The following TBCK variants were observed in gnomAD, a reference collection of about 807,000 sequenced individuals.
TBCK encodes TBC1 domain containing kinase, also known as TBC domain-containing protein kinase-like protein.
In TBCK, 99 loss-of-function variants were observed where a neutral mutation model predicts 113.4. That is an observed-to-expected ratio of 0.87 (90% CI 0.74 to 1.03). TBCK has a LOEUF of 1.03. TBCK is among the 50% of genes least tolerant of loss of function. The pLI, the probability that TBCK is intolerant of heterozygous loss-of-function variation, is 0.00. For synonymous variants in TBCK, 369 were observed against 370.8 expected (o/e 1.00, Z 0.05); for missense variants, 1,045 against 1,061.3 (o/e 0.98, Z 0.21).
At chr4:106,172,361 T>C (rs898587624) in intron 22 of TBCK, among the ~76,000 whole-genome samples, 1 of 152,124 alleles carries the variant, frequency 6.6e-6, no homozygotes, top group African/African-American at 2.4e-5. Flanking sequence ...AGACTGTATC[T>C]CTTTAGGAGG....
At chr4:106,291,474 T>C (rs1413674776) in intron 3 of TBCK, among the ~76,000 whole-genome samples, 2 of 152,346 alleles carry the variant, frequency 1.3e-5, no homozygotes, top group Non-Finnish European at 2.9e-5. Context: ...CCAAGTATGC[T>C]TTGTATGCTA....
At chr4:106,120,692 C>T (rs1021730220) in intron 23 of TBCK, among the ~76,000 whole-genome samples, 6 of 152,184 alleles carry the variant, frequency 3.9e-5, no homozygotes, top group African/African-American at 7.2e-5. Context: ...GGAGGCACCC[C>T]CCAGCAGGGG....
intron 24 of TBCK, among the ~76,000 whole-genome samples, chr4:106,103,179 G>T (rs1741744713): frequency 6.6e-6 from 1 of 152,150 alleles, no homozygotes; most frequent in Admixed American, 6.6e-5. Context: ...CCCTCAAAGT[G>T]TTGCAATACT....
intron 14 of TBCK, among the ~76,000 whole-genome samples, chr4:106,236,150 A>T (rs1239034090): frequency 6.6e-6 from 1 of 152,028 alleles, no homozygotes; most frequent in Non-Finnish European, 1.5e-5. Context: ...TCTTTTAAAA[A>T]ATAAAGACAT....
chr4:106,303,192 T>C (rs929062706), intron 2 of TBCK, among the ~76,000 whole-genome samples: 1 of 152,164 alleles, frequency 6.6e-6, no homozygotes, highest in African/African-American at 2.4e-5. Context: ...GGTAAATATA[T>C]GACATGGTGC....
chr4:106,167,203 T>C (rs906605985), intron 23 of TBCK, among the ~76,000 whole-genome samples: 9 of 147,108 alleles, frequency 6.1e-5, no homozygotes, highest in Non-Finnish European at 1.1e-4. Flanking sequence ...TAGAACTGTA[T>C]ATATATATAT....
rs778242457 is a variant in TBCK at position 106,247,225 on chromosome 4, G to A, written c.845C>T (p.Pro282Leu). Residue 282 changes from proline to leucine, a missense_variant, in exon 10 of 26, where the codon CCC (proline) becomes CTC (leucine). Transcript: ENST00000394708. ...AAACAGACTGGCAGGTTTGGTAAAG[G>A]GGGTATATAAAGGTGATACCTCACT... ...VFSEVSPLYT[P>L]FTKPASLFSS... The A allele has an allele frequency of 2.5e-6, 4 of 1,613,048 alleles. No individual in the cohort carries two copies. The highest frequency in any genetic ancestry group is 1.7e-5 in the Admixed American group (1 of 59,858).
chr4:106,210,685 T>C (rs2149881286), intron 20 of TBCK, among the ~76,000 whole-genome samples: 1 of 152,316 alleles, frequency 6.6e-6, no homozygotes, highest in South Asian at 2.1e-4. Flanking sequence ...TATATTTAAG[T>C]AACTTTTTAC....
rs185953024 is a variant in TBCK, at chr4:106,300,407, T to G, written c.194-5241A>C. On this transcript the variant is annotated intron_variant, in intron 2 of 25. Transcript: ENST00000394708. ...AAGTTTTTTAAAGTAGTGGTTTTTT[T>G]GTTTAAATTTAGAGAAAGAGGTGAA... Among the ~76,000 whole-genome samples the G allele has an allele frequency of 5.8e-4, 89 of 152,306 alleles. 3 individuals are homozygous for G. The highest frequency in any genetic ancestry group is 1.7e-3 in the Admixed American group (26 of 15,294).
At chr4:106,156,157 A>G (rs536518430) in intron 23 of TBCK, among the ~76,000 whole-genome samples, 1 of 152,220 alleles carries the variant, frequency 6.6e-6, no homozygotes, top group East Asian at 1.9e-4. Context: ...TCATGGTCTT[A>G]GATAAGATCC....
At chr4:106,127,107 C>T (rs1406810524) in intron 23 of TBCK, among the ~76,000 whole-genome samples, 1 of 149,718 alleles carries the variant, frequency 6.7e-6, no homozygotes, top group African/African-American at 2.5e-5. Context: ...ACTCGGGAGG[C>T]TGAGGCAGGA....
At chr4:106,314,046 G>C (rs1345382947) in intron 1 of TBCK, among the ~76,000 whole-genome samples, 2 of 152,168 alleles carry the variant, frequency 1.3e-5, no homozygotes, top group African/African-American at 4.8e-5. Context: ...CTTGCTCTAA[G>C]TAACAACTAT....
intron 23 of TBCK, among the ~76,000 whole-genome samples, chr4:106,165,688 A>C (rs1750287818): frequency 6.6e-6 from 1 of 151,896 alleles, no homozygotes; most frequent in Admixed American, 6.6e-5. Flanking sequence ...TGGAGTGCTT[A>C]TTATGTACTA....
At chr4:106,312,912 C>G (rs1419856603) in intron 1 of TBCK, among the ~76,000 whole-genome samples, 2 of 152,126 alleles carry the variant, frequency 1.3e-5, no homozygotes, top group African/African-American at 4.8e-5. Context: ...GAAGATAGTA[C>G]TGTAGATGGG....
At chr4:106,252,601 GT>G (rs1339444032) in intron 5 of TBCK, among the ~76,000 whole-genome samples, 4 of 151,922 alleles carry the variant, frequency 2.6e-5, no homozygotes, top group Non-Finnish European at 5.9e-5. Context: ...CAAGTATAGA[GT>G]TTCCTCATTC....
intron 23 of TBCK, among the ~76,000 whole-genome samples, chr4:106,147,756 T>C (rs1747981504): frequency 6.6e-6 from 1 of 152,110 alleles, no homozygotes; most frequent in Admixed American, 6.5e-5. Flanking sequence ...GTTTAAACAA[T>C]ATGAAATCTG....
At chr4:106,303,396 T>C (rs1194878952) in intron 2 of TBCK, among the ~76,000 whole-genome samples, 1 of 152,190 alleles carries the variant, frequency 6.6e-6, no homozygotes, top group Non-Finnish European at 1.5e-5. Context: ...TGCATTTTCA[T>C]TATTCAGCAA....
At chr4:106,218,069 T>C (rs1757190388) in intron 19 of TBCK, among the ~76,000 whole-genome samples, 1 of 145,738 alleles carries the variant, frequency 6.9e-6, no homozygotes, top group Non-Finnish European at 1.5e-5. Context: ...ACGCCGCATA[T>C]CTACAACTAT....
rs551835304 is a variant in TBCK at position 106,227,731 on chromosome 4, C to T, written c.1774+2632G>A. Among the ~76,000 whole-genome samples, 39 of 151,972 alleles carry T rather than the reference C, an allele frequency of 2.6e-4. No homozygotes were observed. The South Asian group carries it at 7.7e-3, about 30-fold the overall frequency. On this transcript the variant is annotated intron_variant, in intron 19 of 25. Coordinates refer to ENST00000394708, the MANE Select transcript of TBCK (RefSeq NM_001163435.3). ...TCAAAAGGATATCTGATAAGCATCA[C>T]AAAAACAGTAAATGGGAGAGTGAGC...
Sources: gnomAD v4.1 joint callset for allele counts (sites outside exome capture counted in the v4.1 genomes callset) on GRCh38, gnomAD v4.1.1 for gene constraint, MANE v1.5 for transcripts, NCBI Gene and HGNC (gene_info 2026-07-23, HGNC 2026-07-21) for gene names.